Variants in IL11RA observed in about 807,000 individuals in gnomAD.
IL11RA encodes the protein interleukin-11 receptor subunit alpha.
In IL11RA, 51 loss-of-function variants were observed where a neutral mutation model predicts 57.0. The observed-to-expected ratio is 0.89, with a 90% CI of 0.71 to 1.13. IL11RA has a LOEUF of 1.13. Ranked by LOEUF, IL11RA falls within the 50% of genes most tolerant of loss-of-function variation. IL11RA has a pLI of 0.00. For missense variants in IL11RA, 498 were observed against 539.4 expected (o/e 0.92, Z 0.76); for synonymous variants, 199 against 217.5 (o/e 0.91, Z 0.75).
intron 1 of IL11RA, among the ~76,000 whole-genome samples, chr9:34,652,817 G>A (rs984629603): frequency 1.3e-5 from 2 of 152,110 alleles, no homozygotes. Flanking sequence ...CACAACACAC[G>A]TGGCTTCCCC....
At position 34,661,643 on chromosome 9, in the gene IL11RA, A is replaced by C; in HGVS notation, c.*145A>C. 1 of 939,500 alleles carries C rather than the reference A, an allele frequency of 1.1e-6. No individual in the cohort carries two copies. Among genetic ancestry groups the C allele is most frequent in the Non-Finnish European group, 1.7e-6 (1 of 584,148 alleles). 58.2% of individuals were successfully genotyped at this position (939,500 alleles called of 1,614,324 possible). ...CCATTTCTGTGAGACCCTGTATTTC[A>C]AATTTGCAGCTGAAAGGTGCTTGTA... On this transcript the variant is annotated 3_prime_UTR_variant, in exon 13 of 13. Coordinates refer to ENST00000441545, the MANE Select transcript of IL11RA (RefSeq NM_001142784.3).
chr9:34,657,470 G>T lies in IL11RA; in HGVS notation c.529G>T (p.Ala177Ser), dbSNP rs1375685126. The part of the protein sequence containing the change: ...PWPCPQDPLG[A>S]ARCVVHGAEF... ...GCCATGCCCACAGGATCCCCTAGGGGCTGCCCGCTGTGTTGTCCACGGGGC... is the reference window on the plus strand; with the variant it reads ...GCCATGCCCACAGGATCCCCTAGGGTCTGCCCGCTGTGTTGTCCACGGGGC... Residue 177 changes from alanine to serine, a missense_variant, in exon 7 of 13, where the codon GCT becomes TCT. Ala to Ser is a moderately conservative substitution (Grantham distance 99). Transcript: ENST00000441545. 6.2e-7 allele frequency: 1 copy of T among 1,614,204 alleles called. No individual in the cohort carries two copies. Among genetic ancestry groups the T allele is most frequent in the Non-Finnish European group, 8.5e-7 (1 of 1,180,030 alleles).
At position 34,659,776 on chromosome 9, in the gene IL11RA, G is replaced by A; in HGVS notation, c.828G>A (p.Leu276=). 1 of 1,614,196 alleles carries A rather than the reference G, an allele frequency of 6.2e-7. No individual in the cohort carries two copies. Among genetic ancestry groups the A allele is most frequent in the Non-Finnish European group, 8.5e-7 (1 of 1,180,036 alleles). The stretch of plus-strand genomic sequence containing the variant: ...ACCCCCAGGTGGAGCCAGCTGGACT[G>A]GAGGAGGTGATCACAGATGCTGTGG... The part of the protein sequence containing the change: ...PAWSTVEPAG[L]EEVITDAVAG... The change falls in exon 9 of 13, where the codon CTG becomes CTA. Residue 276 remains leucine, a synonymous_variant. Coordinates refer to ENST00000441545, the MANE Select transcript of IL11RA (RefSeq NM_001142784.3).
intron 3 of IL11RA, 113 bp from the exon 4 acceptor site, chr9:34,656,626 A>C: frequency 8.2e-7 from 1 of 1,222,112 alleles, no homozygotes; most frequent in Non-Finnish European, 1.2e-6. Flanking sequence ...AGCCAGTAAA[A>C]GGAATTTGGG....
chr9:34,653,730 T>C lies in IL11RA; in HGVS notation c.1-1488T>C, dbSNP rs1265528023. The C allele has an allele frequency of 1.3e-5, 2 of 152,284 alleles. No individual in the cohort carries two copies. Among genetic ancestry groups the C allele is most frequent in the Non-Finnish European group, 2.9e-5 (2 of 68,156 alleles). The allele number at this position is 152,284 out of a possible 1,614,324, so 9.4% of individuals were successfully genotyped here. A position where few individuals can be genotyped will look rare whatever the true frequency, so the allele number is the denominator to read the frequency against. On this transcript the variant is annotated intron_variant, in intron 1 of 12. Transcript: ENST00000441545. This position sits in a 1 kb window ranked among gnomAD's most constrained non-coding sequence, Gnocchi z 4.5. ...ACCCTCCTTTCCCTCTTGCTGGCCT[T>C]GGCTGTGTCTGTGGCTTCCTTTCCA...
At chr9:34,655,583 A>G (rs1564104259) in intron 2 of IL11RA, 22 bp from the exon 3 acceptor site, 1 of 1,612,300 alleles carries the variant, frequency 6.2e-7, no homozygotes. Flanking sequence ...GAAGAGCCTT[A>G]CCTCAGAAGT....
chr9:34,654,588 C>A (rs909544611), intron 1 of IL11RA, among the ~76,000 whole-genome samples: 7 of 152,184 alleles, frequency 4.6e-5, no homozygotes, highest in Non-Finnish European at 1.0e-4. Context: ...AACTGGAGAC[C>A]AACGAAGTGT....
intron 12 of IL11RA, 73 bp from the exon 13 acceptor site, chr9:34,661,408 TC>T: frequency 2.6e-6 from 4 of 1,511,234 alleles, no homozygotes; most frequent in Non-Finnish European, 3.7e-6. Flanking sequence ...CTGAGTCACC[TC>T]CCTCATTCTC....
In IL11RA at chr9:34,657,491, G is replaced by A. The variant is rs766157775; in HGVS notation, c.550G>A (p.Gly184Arg). 5.0e-6 allele frequency: 8 copies of A among 1,614,214 alleles called. No individual in the cohort carries two copies. The South Asian group carries it at 6.6e-5, about 13-fold the overall frequency. Residue 184 changes from glycine to arginine, a missense_variant, in exon 7 of 13, where the codon GGG becomes AGG. Coordinates refer to ENST00000441545, the MANE Select transcript of IL11RA (RefSeq NM_001142784.3). ...AGGGGCTGCCCGCTGTGTTGTCCAC[G>A]GGGCTGAGTTCTGGAGCCAGTACCG... The part of the protein sequence containing the change: ...PLGAARCVVH[G>R]AEFWSQYRIN...
intron 9 of IL11RA, 49 bp downstream of exon 9, chr9:34,659,949 C>T: frequency 6.2e-7 from 1 of 1,602,692 alleles, no homozygotes; most frequent in South Asian, 1.1e-5. Context: ...CCCAAAGCAT[C>T]TATCAGCTGA....
rs369883287 is a variant in IL11RA at position 34,655,333 on chromosome 9, C to G, written c.100+16C>G. ...GGCCCCCCAGGTGAGAAGAACCCTG[C>G]TCTACAACCTCCCAACTCTGACTTG... On this transcript the variant is annotated intron_variant, in intron 2 of 12. Transcript: ENST00000441545. 5.7e-6 allele frequency: 8 copies of G among 1,415,502 alleles called. No homozygotes were observed. In the African/African-American group the frequency reaches 9.8e-5, roughly 17 times the overall value. The allele number at this position is 1,415,502 out of a possible 1,614,324, so 87.7% of individuals were successfully genotyped here.
intron 2 of IL11RA, 26 bp from the exon 3 acceptor site, chr9:34,655,579 C>G (rs1821328274): frequency 1.2e-6 from 2 of 1,610,486 alleles, no homozygotes; most frequent in African/African-American, 2.7e-5. Context: ...AAAGGAAGAG[C>G]CTTACCTCAG....
chr9:34,655,784 C>G, intron 3 of IL11RA, 119 bp downstream of exon 3: 2 of 831,028 alleles, frequency 2.4e-6, no homozygotes, highest in South Asian at 2.8e-5. Flanking sequence ...ACCTCTCTAT[C>G]TGTCCTAACC....
chr9:34,656,608 G>A, intron 3 of IL11RA, 131 bp from the exon 4 acceptor site: 1 of 955,232 alleles, frequency 1.0e-6, no homozygotes, highest in East Asian at 2.6e-5. Flanking sequence ...CTCACAAGGG[G>A]CTTTGAAAGC....
At chr9:34,659,657 G>T in intron 8 of IL11RA, 102 bp from the exon 9 acceptor site, 1 of 1,428,326 alleles carries the variant, frequency 7.0e-7, no homozygotes. Flanking sequence ...GCTCCACTAG[G>T]CTTTAGGATG....
chr9:34,653,765 G>T lies in IL11RA; in HGVS notation c.1-1453G>T. 1 of 152,384 alleles carries T rather than the reference G, an allele frequency of 6.6e-6. No individual in the cohort carries two copies. 9.4% of individuals were successfully genotyped at this position (152,384 alleles called of 1,614,324 possible). ...TGTGGCTTCCTTTCCAGACTTGGGG[G>T]AGGCCTCTTCCCTTCCCAGGGCCTT... On this transcript the variant is annotated intron_variant, in intron 1 of 12. Transcript: ENST00000441545. The surrounding 1 kb of genome is among the most constrained non-coding windows in gnomAD (Gnocchi z 4.5).
intron 3 of IL11RA, among the ~76,000 whole-genome samples, chr9:34,656,502 C>G (rs1587246010): frequency 6.6e-6 from 1 of 152,022 alleles, no homozygotes; most frequent in East Asian, 1.9e-4. Context: ...GCTCAATACC[C>G]CCGAGGAATA....
In IL11RA at chr9:34,653,526, TG is replaced by T. The variant is rs1293277251; in HGVS notation, c.-1+1295del. Among the ~76,000 whole-genome samples the T allele has an allele frequency of 6.6e-6, 1 of 152,156 alleles. No individual in the cohort carries two copies. The highest frequency in any genetic ancestry group is 1.9e-4 in the East Asian group (1 of 5,190). ...GCCAGCTGTACCCTAAGGAAACATT[TG>T]GTGAGGAGTGAAAAGAGGGGGAGTT... On this transcript the variant is annotated intron_variant, in intron 1 of 12. Transcript: ENST00000441545. The surrounding 1 kb of genome is among the most constrained non-coding windows in gnomAD (Gnocchi z 4.5).
chr9:34,656,146 C>T (rs1821339894), intron 3 of IL11RA, among the ~76,000 whole-genome samples: 1 of 151,402 alleles, frequency 6.6e-6, no homozygotes, highest in Non-Finnish European at 1.5e-5. Flanking sequence ...ATTCTCCTGC[C>T]TCAGCCTCCC....
Sources: gnomAD v4.1 joint callset for allele counts (sites outside exome capture counted in the v4.1 genomes callset) on GRCh38, gnomAD v4.1.1 for gene constraint, Gnocchi (gnomAD v3.1) non-coding constraint, MANE v1.5 for transcripts, NCBI Gene and HGNC (gene_info 2026-07-23, HGNC 2026-07-21) for gene names.